MAPT: variants seen among roughly 807,000 people sequenced by gnomAD.
MAPT encodes microtubule associated protein tau.
In MAPT, 34 loss-of-function variants were observed where a neutral mutation model predicts 67.9. The observed-to-expected ratio is 0.50, with a 90% CI of 0.38 to 0.67. The LOEUF (loss-of-function observed/expected upper bound fraction) is 0.67. MAPT is among the 30% of genes least tolerant of loss of function. The probability of loss-of-function intolerance (pLI) is 0.00; values close to 1 mark genes in which losing one functional copy is unlikely to be tolerated. For missense variants in MAPT, 881 were observed against 1,115.2 expected (o/e 0.79, Z 2.99); for synonymous variants, 456 against 464.5 (o/e 0.98, Z 0.23).
At chr17:45,946,321 G>A (rs1442592251) in intron 1 of MAPT, among the ~76,000 whole-genome samples, 1 of 152,030 alleles carries the variant, frequency 6.6e-6, no homozygotes, top group African/African-American at 2.4e-5. Flanking sequence ...ACAGTATTGG[G>A]CCAGGCACGG....
chr17:45,983,355 C>A lies in MAPT; in HGVS notation c.776C>A (p.Ala259Asp). Residue 259 changes from alanine to aspartate, a missense_variant, in exon 5 of 13, where the codon GCC becomes GAC. By Grantham distance (126) the Ala-to-Asp change is moderately radical (BLOSUM62 -2). Around this residue, in one of 6 missense-constraint regions of MAPT, gnomAD observed 687 missense variants for 766.1 expected, o/e 0.90. Transcript: ENST00000262410. ...GPEDTEGGRH[A>D]PELLKHQLLG... ...GAGGACACAGAGGGCGGCCGCCACG[C>A]CCCTGAGCTGCTCAAGCACCAGCTT... 9 of 1,607,404 alleles carry A rather than the reference C, an allele frequency of 5.6e-6. No homozygotes were observed. The highest frequency in any genetic ancestry group is 7.6e-6 in the Non-Finnish European group (9 of 1,177,438).
intron 1 of MAPT, among the ~76,000 whole-genome samples, chr17:45,944,364 C>T (rs145825507): frequency 0.011 from 1,728 of 152,320 alleles, 38 homozygotes; most frequent in African/African-American, 0.039. Flanking sequence ...AAGCCAAAGC[C>T]TCCACCTCCA....
At chr17:46,015,865 TA>T (rs1310228162) in intron 11 of MAPT, among the ~76,000 whole-genome samples, 1 of 152,052 alleles carries the variant, frequency 6.6e-6, no homozygotes, top group African/African-American at 2.4e-5. Flanking sequence ...CCACAAAAAT[TA>T]AAAAAATATA....
At chr17:45,945,933 G>A (rs768515337) in intron 1 of MAPT, among the ~76,000 whole-genome samples, 4 of 152,198 alleles carry the variant, frequency 2.6e-5, no homozygotes, top group South Asian at 2.1e-4. Context: ...GTGTGCATAG[G>A]AGAGGGGTCT....
intron 1 of MAPT, among the ~76,000 whole-genome samples, chr17:45,904,518 T>C (rs2064160237): frequency 6.8e-6 from 1 of 147,270 alleles, no homozygotes; most frequent in South Asian, 2.1e-4. Flanking sequence ...CAAGATCCTG[T>C]CTCTACAAAA....
At chr17:45,972,523 T>G (rs1216834070) in intron 3 of MAPT, among the ~76,000 whole-genome samples, 1 of 152,216 alleles carries the variant, frequency 6.6e-6, no homozygotes, top group Admixed American at 6.5e-5. Flanking sequence ...TTCCCATCTG[T>G]GTCAGTCAAG....
chr17:45,956,585 TATATA>T (rs2069721956), intron 1 of MAPT, among the ~76,000 whole-genome samples: 7 of 7,782 alleles, frequency 9.0e-4, no homozygotes, highest in African/African-American at 1.3e-3. Flanking sequence ...TATATATATA[TATATA>T]TATATATATA....
Position 45,923,522 on chromosome 17 carries a change from G to T in MAPT, c.-18+28836G>T, listed in dbSNP as rs144683687. Among the ~76,000 whole-genome samples the T allele has an allele frequency of 8.5e-3, 1,293 of 152,272 alleles. 19 individuals are homozygous for T. Among genetic ancestry groups the T allele is most frequent in the African/African-American group, 0.03 (1,229 of 41,546 alleles). On this transcript the variant is annotated intron_variant, in intron 1 of 12. Coordinates refer to ENST00000262410, the MANE Select transcript of MAPT (RefSeq NM_001377265.1). ...GCCCTCAGGGCTCTGTGTGATTCTGGGTTCCTCCCATAAAAGATAATCAGA... is the reference window on the plus strand; with the variant it reads ...GCCCTCAGGGCTCTGTGTGATTCTGTGTTCCTCCCATAAAAGATAATCAGA...
chr17:45,903,752 TATATTTTTTTTATATATATA>T (rs1568131594), intron 1 of MAPT, among the ~76,000 whole-genome samples: 32 of 74,492 alleles, frequency 4.3e-4, no homozygotes, highest in Non-Finnish European at 7.5e-4. Flanking sequence ...TGGTTTTATA[TATATTTTTTTTATATATATA>T]ATATATATTA....
At chr17:45,933,777 A>G (rs371947170) in intron 1 of MAPT, among the ~76,000 whole-genome samples, 2 of 151,606 alleles carry the variant, frequency 1.3e-5, no homozygotes, top group East Asian at 3.9e-4. Context: ...CTTCCCAGAC[A>G]GGAAGAAGCT....
intron 1 of MAPT, among the ~76,000 whole-genome samples, chr17:45,949,124 A>C (rs77266933): frequency 0.14 from 21,779 of 152,296 alleles, 2,118 homozygotes; most frequent in Non-Finnish European, 0.22. Flanking sequence ...TTTTTAACTG[A>C]AGGGATAAGG....
At chr17:45,913,462 C>T (rs1232251273) in intron 1 of MAPT, among the ~76,000 whole-genome samples, 1 of 152,184 alleles carries the variant, frequency 6.6e-6, no homozygotes, top group Non-Finnish European at 1.5e-5. Flanking sequence ...TCGCCATTAA[C>T]AGAGTGAGCT....
At position 46,010,187 on chromosome 17, in the gene MAPT, C is replaced by A. The variant is rs1324662566; in HGVS notation, c.1999-123C>A. On this transcript the variant is annotated intron_variant, in intron 9 of 12. Coordinates refer to ENST00000262410, the MANE Select transcript of MAPT (RefSeq NM_001377265.1). The surrounding 1 kb of genome is among the most constrained non-coding windows in gnomAD (Gnocchi z 4.7). Reference sequence around the variant, plus strand: ...TGCCAAGTCCGAAAGTGGAGGCATCCTTGCGAGCAAGTAGGCGGGTCCAGG... The same window carrying A: ...TGCCAAGTCCGAAAGTGGAGGCATCATTGCGAGCAAGTAGGCGGGTCCAGG... The A allele has an allele frequency of 1.4e-6, 1 of 733,890 alleles. No homozygotes were observed. Among genetic ancestry groups the A allele is most frequent in the Non-Finnish European group, 2.5e-6 (1 of 403,890 alleles). 45.5% of individuals were successfully genotyped at this position (733,890 alleles called of 1,614,324 possible).
At chr17:45,958,577 C>G (rs1328918226) in intron 1 of MAPT, among the ~76,000 whole-genome samples, 1 of 152,018 alleles carries the variant, frequency 6.6e-6, no homozygotes, top group East Asian at 1.9e-4. Flanking sequence ...AAATATTAGC[C>G]GGGTGTGATG....
chr17:45,903,062 C>T (rs535154675), intron 1 of MAPT, among the ~76,000 whole-genome samples: 1 of 152,298 alleles, frequency 6.6e-6, no homozygotes, highest in African/African-American at 2.4e-5. Flanking sequence ...GTGTCCTCCT[C>T]CCTGGGATAG....
chr17:45,989,742 G>T, intron 6 of MAPT, 136 bp from the exon 7 acceptor site: 1 of 771,594 alleles, frequency 1.3e-6, no homozygotes, highest in South Asian at 1.5e-5. Flanking sequence ...AAGGGTACCT[G>T]ATTCAAACAG....
At chr17:45,984,849 G>A (rs888416452) in intron 5 of MAPT, among the ~76,000 whole-genome samples, 2 of 152,220 alleles carry the variant, frequency 1.3e-5, no homozygotes, top group Admixed American at 6.5e-5. Flanking sequence ...GCCACAAGGC[G>A]AGCTTGTTCA....
chr17:45,935,613 C>T (rs2067251139), intron 1 of MAPT, among the ~76,000 whole-genome samples: 1 of 152,166 alleles, frequency 6.6e-6, no homozygotes, highest in Non-Finnish European at 1.5e-5. Flanking sequence ...GGGAGCCGGT[C>T]CCCTGATGCC....
At chr17:45,942,518 T>G (rs976407882) in intron 1 of MAPT, among the ~76,000 whole-genome samples, 2 of 152,216 alleles carry the variant, frequency 1.3e-5, no homozygotes, top group African/African-American at 2.4e-5. Context: ...ACAGTCTTTC[T>G]TTTGCTTCCC....
Sources: allele counts gnomAD v4.1 joint callset (sites outside exome capture counted in the v4.1 genomes callset), GRCh38; gene constraint gnomAD v4.1.1; regional missense constraint gnomAD v4.1.1; non-coding constraint Gnocchi (gnomAD v3.1); transcripts MANE v1.5; gene names NCBI Gene and HGNC (gene_info 2026-07-23, HGNC 2026-07-21).